Variants in EBF1 observed in about 807,000 individuals in gnomAD.
EBF1 encodes transcription factor COE1.
Under a neutral mutation model 68.4 loss-of-function variants are expected in EBF1, and 10 were observed. The ratio of observed to expected loss-of-function variants is 0.15; its 90% CI spans 0.09 to 0.25. EBF1 has a LOEUF of 0.25. EBF1 is among the 10% of genes least tolerant of loss of function. The pLI is 1.00. For missense variants in EBF1, 509 were observed against 794.4 expected (o/e 0.64, Z 4.32); for synonymous variants, 298 against 299.8 (o/e 0.99, Z 0.06).
chr5:158,923,830 TGGACCAGTCAAAA>T (rs1228057028), intron 6 of EBF1, among the ~76,000 whole-genome samples: 1 of 152,200 alleles, frequency 6.6e-6, no homozygotes, highest in Admixed American at 6.5e-5. Flanking sequence ...GAACTAGTGA[TGGACCAGTCAAAA>T]GGAAGATTCA....
intron 6 of EBF1, among the ~76,000 whole-genome samples, chr5:158,988,698 C>A (rs912210596): frequency 6.6e-6 from 1 of 152,052 alleles, no homozygotes; most frequent in African/African-American, 2.4e-5. Flanking sequence ...GTCTGCTTCC[C>A]GAACTTATCA....
At chr5:158,964,468 A>C (rs1203796543) in intron 6 of EBF1, among the ~76,000 whole-genome samples, 1 of 152,052 alleles carries the variant, frequency 6.6e-6, no homozygotes, top group Non-Finnish European at 1.5e-5. Flanking sequence ...TCTGGATGAG[A>C]GATAATGGTG....
intron 7 of EBF1, among the ~76,000 whole-genome samples, chr5:158,837,839 T>C (rs1396735502): frequency 6.6e-6 from 1 of 152,156 alleles, no homozygotes; most frequent in Non-Finnish European, 1.5e-5. Context: ...TGGTATACAT[T>C]AGGCATTAGA....
chr5:158,861,611 TA>T (rs1288430334), intron 6 of EBF1, among the ~76,000 whole-genome samples: 4 of 152,170 alleles, frequency 2.6e-5, no homozygotes, highest in Non-Finnish European at 4.4e-5. Flanking sequence ...TGTCCGGAAT[TA>T]GCTTAGTCAA....
intron 6 of EBF1, among the ~76,000 whole-genome samples, chr5:158,871,406 C>T (rs947851936): frequency 2.0e-5 from 3 of 152,074 alleles, no homozygotes; most frequent in Admixed American, 6.6e-5. Flanking sequence ...GAAAAAAATG[C>T]CATACAATTG....
At chr5:158,857,033 T>C (rs1189123626) in intron 6 of EBF1, among the ~76,000 whole-genome samples, 1 of 152,136 alleles carries the variant, frequency 6.6e-6, no homozygotes, top group African/African-American at 2.4e-5. Flanking sequence ...AACAATCACT[T>C]CCTTCCTTTG....
chr5:159,005,765 A>G (rs1480510309), intron 6 of EBF1, among the ~76,000 whole-genome samples: 1 of 152,228 alleles, frequency 6.6e-6, no homozygotes, highest in Non-Finnish European at 1.5e-5. Flanking sequence ...AGAATTTGAT[A>G]AAAGCCTCTC....
At chr5:158,959,258 A>C (rs912434531) in intron 6 of EBF1, among the ~76,000 whole-genome samples, 4 of 152,076 alleles carry the variant, frequency 2.6e-5, no homozygotes, top group African/African-American at 9.7e-5. Context: ...AAACTAAAAC[A>C]AAAATATAAA....
Position 159,071,245 on chromosome 5 carries a change from G to C in EBF1, c.554+2151C>G, listed in dbSNP as rs137946661. On this transcript the variant is annotated intron_variant, in intron 6 of 15. Coordinates refer to ENST00000313708, the MANE Select transcript of EBF1 (RefSeq NM_024007.5). The stretch of plus-strand genomic sequence containing the variant: ...ATCAGAAACAATGGCAACAGCCAGC[G>C]AATAAACATATGCTGTGGGGCTTGT... 5.9e-3 allele frequency among the ~76,000 whole-genome samples: 893 copies of C among 152,288 alleles called. 4 individuals are homozygous for C. The highest frequency in any genetic ancestry group is 8.2e-3 in the Non-Finnish European group (559 of 68,022).
intron 6 of EBF1, among the ~76,000 whole-genome samples, chr5:159,054,535 A>G (rs1774399975): frequency 6.6e-6 from 1 of 152,222 alleles, no homozygotes; most frequent in Admixed American, 6.5e-5. Context: ...AATTTCTTCA[A>G]GCTTAAGGAA....
intron 13 of EBF1, 77 bp downstream of exon 13, chr5:158,712,893 A>T: frequency 7.5e-7 from 1 of 1,339,204 alleles, no homozygotes; most frequent in South Asian, 2.2e-5. Flanking sequence ...TTTTTAATGT[A>T]AAAATTGTTC....
At chr5:158,736,743 C>A (rs185812919) in intron 10 of EBF1, among the ~76,000 whole-genome samples, 4 of 152,150 alleles carry the variant, frequency 2.6e-5, no homozygotes, top group African/African-American at 9.7e-5. Flanking sequence ...TTAGGCAGAG[C>A]CTTTTTGTTC....
intron 6 of EBF1, among the ~76,000 whole-genome samples, chr5:158,842,154 T>C (rs1790455684): frequency 6.6e-6 from 1 of 152,170 alleles, no homozygotes; most frequent in Non-Finnish European, 1.5e-5. Context: ...ATGACAGATT[T>C]GGTAAAGGAA....
At chr5:158,727,791 G>A (rs900338982) in intron 11 of EBF1, among the ~76,000 whole-genome samples, 5 of 152,138 alleles carry the variant, frequency 3.3e-5, no homozygotes, top group Non-Finnish European at 5.9e-5. Context: ...AGCCTCTCTC[G>A]CAGGAGGGAC....
At chr5:158,714,021 C>T in intron 12 of EBF1, 96 bp downstream of exon 12, 1 of 1,321,390 alleles carries the variant, frequency 7.6e-7, no homozygotes, top group East Asian at 2.3e-5. Flanking sequence ...ATGCACATGG[C>T]TTTTATATTG....
intron 6 of EBF1, among the ~76,000 whole-genome samples, chr5:159,042,524 A>G (rs1489651283): frequency 6.6e-6 from 1 of 151,960 alleles, no homozygotes; most frequent in African/African-American, 2.4e-5. Flanking sequence ...GAAACAATAA[A>G]CTTCCTCCAA....
At chr5:159,096,527 C>T (rs1478514864) in intron 2 of EBF1, 121 bp from the exon 3 acceptor site, 32 of 1,082,486 alleles carry the variant, frequency 3.0e-5, no homozygotes, top group Non-Finnish European at 4.4e-5. Context: ...GCCAGGCAGC[C>T]ACGGTAGCAG....
intron 6 of EBF1, among the ~76,000 whole-genome samples, chr5:159,044,536 A>G (rs377675996): frequency 3.6e-4 from 55 of 152,344 alleles, no homozygotes; most frequent in African/African-American, 1.3e-3. Context: ...TTTTTAACAT[A>G]TAAACTAATC....
At chr5:158,903,550 T>G (rs889633225) in intron 6 of EBF1, among the ~76,000 whole-genome samples, 1 of 152,112 alleles carries the variant, frequency 6.6e-6, no homozygotes, top group African/African-American at 2.4e-5. Flanking sequence ...TCTTAGGCTG[T>G]TAACTTCTGT....
Sources: gnomAD v4.1 joint callset for allele counts (sites outside exome capture counted in the v4.1 genomes callset) on GRCh38, gnomAD v4.1.1 for gene constraint, MANE v1.5 for transcripts, NCBI Gene and HGNC (gene_info 2026-07-23, HGNC 2026-07-21) for gene names.